The following ETV6 variants were observed in gnomAD, a reference collection of about 807,000 sequenced individuals.
ETV6 encodes the protein transcription factor ETV6.
ETV6 carries 16 observed loss-of-function variants against 51.1 expected under a neutral mutation model. The observed-to-expected ratio is 0.31, with a 90% CI of 0.21 to 0.48. The LOEUF is 0.48. Among genes scored for constraint, ETV6 ranks in the 20% least tolerant of loss-of-function variants. The probability of loss-of-function intolerance (pLI) is 0.99; values close to 1 mark genes in which losing one functional copy is unlikely to be tolerated. For synonymous variants in ETV6, 240 were observed against 224.1 expected (o/e 1.07, Z -0.64); for missense variants, 458 against 594.8 (o/e 0.77, Z 2.39).
At chr12:11,803,222 G>A (rs141379761) in intron 2 of ETV6, among the ~76,000 whole-genome samples, 1,693 of 152,302 alleles carry the variant, frequency 0.011, 33 homozygotes, top group African/African-American at 0.039. Flanking sequence ...AACTGGACAT[G>A]TCTTTAGGTG....
rs142174877 is a variant in ETV6, at chr12:11,762,331, A to C, written c.163+9752A>C. Among the ~76,000 whole-genome samples the C allele has an allele frequency of 9.6e-4, 146 of 152,176 alleles. 1 individual carries two copies. The highest frequency in any genetic ancestry group is 3.4e-3 in the African/African-American group (143 of 41,506). Reference sequence around the variant, plus strand: ...CAGGTGTGGCTTCTGCTAACTATCTACTTGACCCCAACTGTGTGATTAGCG... The same window carrying C: ...CAGGTGTGGCTTCTGCTAACTATCTCCTTGACCCCAACTGTGTGATTAGCG... On this transcript the variant is annotated intron_variant, in intron 2 of 7. Transcript: ENST00000396373.
chr12:11,791,381 G>C (rs1036323855), intron 2 of ETV6, among the ~76,000 whole-genome samples: 1 of 152,156 alleles, frequency 6.6e-6, no homozygotes, highest in African/African-American at 2.4e-5. Context: ...CTGCCATAGG[G>C]ATGTTGTCCA....
chr12:11,692,211 A>C (rs1470313320), intron 1 of ETV6, among the ~76,000 whole-genome samples: 1 of 152,078 alleles, frequency 6.6e-6, no homozygotes, highest in Non-Finnish European at 1.5e-5. Flanking sequence ...GTGGCTTTAT[A>C]AGAAGAGGAA....
intron 1 of ETV6, among the ~76,000 whole-genome samples, chr12:11,712,137 C>G (rs529268653): frequency 1.3e-5 from 2 of 152,284 alleles, no homozygotes; most frequent in East Asian, 1.9e-4. Flanking sequence ...CCTTCACCCC[C>G]CCATCTTACT....
intron 1 of ETV6, among the ~76,000 whole-genome samples, chr12:11,662,782 T>C (rs1421519975): frequency 1.3e-5 from 2 of 152,226 alleles, no homozygotes; most frequent in African/African-American, 4.8e-5. Context: ...GCCAAATAGA[T>C]AATTGGAAAG....
At chr12:11,796,984 A>C (rs1945688261) in intron 2 of ETV6, among the ~76,000 whole-genome samples, 1 of 152,168 alleles carries the variant, frequency 6.6e-6, no homozygotes, top group African/African-American at 2.4e-5. Flanking sequence ...ACAAGGTCTC[A>C]CTATGAGCTA....
rs10845417 is a variant in ETV6 at position 11,884,384 on chromosome 12, C to G, written c.1010-61C>G. On this transcript the variant is annotated intron_variant, in intron 5 of 7. Coordinates refer to ENST00000396373, the MANE Select transcript of ETV6 (RefSeq NM_001987.5). ...GTTGCTGGATTCTTTTTTGATTCTT[C>G]TGGTTAGTGCCTCAACAAGAAACAT... 0.13 allele frequency: 212,105 copies of G among 1,576,294 alleles called. 17,592 individuals carry two copies. The highest frequency in any genetic ancestry group is 0.34 in the African/African-American group (25,013 of 74,042).
rs540253390 is a variant in ETV6 at position 11,865,181 on chromosome 12, G to A, written c.464-4243G>A. On this transcript the variant is annotated intron_variant, in intron 4 of 7. Transcript: ENST00000396373. The stretch of plus-strand genomic sequence containing the variant: ...CAGGAGAATGGCGTGAACCCGGGAG[G>A]TGGAGCTTGCAGTGAGCAGAGATCA... Among the ~76,000 whole-genome samples the A allele has an allele frequency of 2.0e-5, 3 of 151,366 alleles. No homozygotes were observed. In the East Asian group the frequency reaches 5.8e-4, roughly 29 times the overall value.
chr12:11,789,773 T>C (rs955431746), intron 2 of ETV6, among the ~76,000 whole-genome samples: 1 of 152,172 alleles, frequency 6.6e-6, no homozygotes, highest in African/African-American at 2.4e-5. Flanking sequence ...TTCAGTGCCA[T>C]TGTTGAGAAG....
At chr12:11,840,841 C>G in intron 3 of ETV6, 1 of 231,502 alleles carries the variant, frequency 4.3e-6, no homozygotes, top group Admixed American at 5.2e-5. Flanking sequence ...TATAAAACAA[C>G]CATGTAAATA....
chr12:11,772,210 C>A (rs181207210), intron 2 of ETV6, among the ~76,000 whole-genome samples: 228 of 152,308 alleles, frequency 1.5e-3, no homozygotes, highest in Non-Finnish European at 2.5e-3. Context: ...AGGCAGCCAA[C>A]AGAGGGGTTA....
chr12:11,732,862 T>C (rs963486389), intron 1 of ETV6, among the ~76,000 whole-genome samples: 1 of 152,244 alleles, frequency 6.6e-6, no homozygotes, highest in African/African-American at 2.4e-5. Context: ...AAAATATATA[T>C]TTCTAATAGA....
At chr12:11,726,563 C>T (rs1285664671) in intron 1 of ETV6, among the ~76,000 whole-genome samples, 2 of 152,052 alleles carry the variant, frequency 1.3e-5, no homozygotes, top group Non-Finnish European at 1.5e-5. Context: ...GGATCGCTTG[C>T]CCCCAGGAGT....
At chr12:11,680,006 G>T (rs966314492) in intron 1 of ETV6, among the ~76,000 whole-genome samples, 1 of 152,204 alleles carries the variant, frequency 6.6e-6, no homozygotes, top group African/African-American at 2.4e-5. Context: ...CCTTGGATAA[G>T]ACTCTTACCA....
At chr12:11,842,039 G>A (rs1238611437) in intron 3 of ETV6, among the ~76,000 whole-genome samples, 7 of 144,252 alleles carry the variant, frequency 4.9e-5, no homozygotes, top group Non-Finnish European at 7.5e-5. Context: ...CCGAGATCCC[G>A]CCACTGCACT....
At chr12:11,842,192 A>G (rs1291001854) in intron 3 of ETV6, among the ~76,000 whole-genome samples, 1 of 152,112 alleles carries the variant, frequency 6.6e-6, no homozygotes, top group Non-Finnish European at 1.5e-5. Context: ...ATGGTCGAAC[A>G]TCACTCACCA....
At chr12:11,680,891 C>T (rs2120743555) in intron 1 of ETV6, among the ~76,000 whole-genome samples, 1 of 152,310 alleles carries the variant, frequency 6.6e-6, no homozygotes, top group Non-Finnish European at 1.5e-5. Context: ...ATTTACTTCT[C>T]TGTGATGCTC....
At chr12:11,741,700 A>C (rs964121663) in intron 1 of ETV6, among the ~76,000 whole-genome samples, 1 of 152,206 alleles carries the variant, frequency 6.6e-6, no homozygotes, top group African/African-American at 2.4e-5. Flanking sequence ...AATAATCTCT[A>C]TTTTATGGTT....
chr12:11,887,118 T>A (rs570321098), intron 7 of ETV6, among the ~76,000 whole-genome samples: 3 of 152,070 alleles, frequency 2.0e-5, no homozygotes, highest in Non-Finnish European at 2.9e-5. Flanking sequence ...CGGGAAAGGC[T>A]CTTCAGGAAA....
Sources: allele counts gnomAD v4.1 joint callset (sites outside exome capture counted in the v4.1 genomes callset), GRCh38; gene constraint gnomAD v4.1.1; transcripts MANE v1.5; gene names NCBI Gene and HGNC (gene_info 2026-07-23, HGNC 2026-07-21).